NHSL2: variants seen among roughly 807,000 people sequenced by gnomAD.
NHSL2 encodes NHS like 2.
A neutral mutation model predicts 53.4 loss-of-function variants in NHSL2; 27 were observed. That is an observed-to-expected ratio of 0.51 (90% CI 0.37 to 0.70). The LOEUF (loss-of-function observed/expected upper bound fraction) is 0.70, where lower values mean the gene tolerates loss of function less well. Among genes scored for constraint, NHSL2 ranks in the 30% least tolerant of loss-of-function variants. The pLI is 0.00. For missense variants in NHSL2, 892 were observed against 980.1 expected (o/e 0.91, Z 1.20); for synonymous variants, 408 against 404.1 (o/e 1.01, Z -0.12).
intron 1 of NHSL2, among the ~76,000 whole-genome samples, chrX:71,938,859 T>A (rs185688174): frequency 1.7e-3 from 186 of 112,692 alleles, no homozygotes; most frequent in Non-Finnish European, 4.1e-4. Flanking sequence ...CTCTGACCAC[T>A]GAGTGTATGG....
chrX:72,040,448 T>G (rs1489703633), intron 1 of NHSL2, among the ~76,000 whole-genome samples: 1 of 111,788 alleles, frequency 8.9e-6, no homozygotes, highest in Non-Finnish European at 1.9e-5. Context: ...GTGATTTCCA[T>G]TTTTTTCAAG....
Position 71,989,298 on chromosome X carries a change from G to A in NHSL2, c.280+77931G>A, listed in dbSNP as rs1220751406. Reference sequence around the variant, plus strand: ...CGGGAGGCGGAACTTGCAGTAAGTCGAGATCGCTCCACTGCACTCCAGCCT... The same window carrying A: ...CGGGAGGCGGAACTTGCAGTAAGTCAAGATCGCTCCACTGCACTCCAGCCT... On this transcript the variant is annotated intron_variant, in intron 1 of 7. Coordinates refer to ENST00000633930, the MANE Select transcript of NHSL2 (RefSeq NM_001013627.3). Among the ~76,000 whole-genome samples the A allele has an allele frequency of 2.4e-4, 23 of 94,520 alleles. No homozygotes were observed. In the Admixed American group the frequency reaches 2.6e-3, roughly 11 times the overall value. 82.1% of individuals were successfully genotyped at this position (94,520 alleles called of 115,157 possible). A position where few individuals can be genotyped will look rare whatever the true frequency, so the allele number is the denominator to read the frequency against.
Position 72,152,363 on chromosome X carries a change from A to G in NHSL2, c.*8789A>G, listed in dbSNP as rs775821769. 0.03 allele frequency: 2,958 copies of G among 99,776 alleles called. 36 individuals are homozygous for G. Among genetic ancestry groups the G allele is most frequent in the Admixed American group, 0.078 (742 of 9,565 alleles). The allele number at this position is 99,776 out of a possible 1,213,427, so 8.2% of individuals were successfully genotyped here. A position where few individuals can be genotyped will look rare whatever the true frequency, so the allele number is the denominator to read the frequency against. On this transcript the variant is annotated 3_prime_UTR_variant, in exon 8 of 8. Transcript: ENST00000633930. ...CGTGTGTGCATGCGCGCGCGCACACACACACACACACACACACACACACAC... is the reference window on the plus strand; with the variant it reads ...CGTGTGTGCATGCGCGCGCGCACACGCACACACACACACACACACACACAC...
chrX:72,008,530 G>A (rs2042103448), intron 1 of NHSL2, among the ~76,000 whole-genome samples: 2 of 111,858 alleles, frequency 1.8e-5, no homozygotes, highest in African/African-American at 6.5e-5. Flanking sequence ...TTCTGGAGTT[G>A]TTCTGGAGTC....
rs192678039 is a variant in NHSL2 at position 72,044,600 on chromosome X, A to G, written c.281-87479A>G. The stretch of plus-strand genomic sequence containing the variant: ...GCCAAAAAGGGCCGCGGCCACGTGC[A>G]GCCTATTCGCTGCACTAACTGTGTC... On this transcript the variant is annotated intron_variant, in intron 1 of 7. Coordinates refer to ENST00000633930, the MANE Select transcript of NHSL2 (RefSeq NM_001013627.3). The G allele has an allele frequency of 3.0e-4, 329 of 1,103,902 alleles. 1 individual carries two copies. In the African/African-American group the frequency reaches 5.2e-3, roughly 18 times the overall value. The allele number at this position is 1,103,902 out of a possible 1,213,427, so 91.0% of individuals were successfully genotyped here.
intron 1 of NHSL2, among the ~76,000 whole-genome samples, chrX:71,989,437 A>G (rs185225007): frequency 8.9e-4 from 99 of 110,710 alleles, no homozygotes; most frequent in African/African-American, 2.6e-3. Flanking sequence ...CTATGCATGC[A>G]TCATCACATT....
intron 1 of NHSL2, among the ~76,000 whole-genome samples, chrX:72,055,375 C>T (rs760638730): frequency 8.9e-6 from 1 of 112,375 alleles, no homozygotes; most frequent in South Asian, 3.6e-4. Flanking sequence ...TCAGCTTTGA[C>T]GCATGTAGCC....
chrX:72,077,170 G>A (rs2041751174), intron 1 of NHSL2, among the ~76,000 whole-genome samples: 1 of 110,804 alleles, frequency 9.0e-6, no homozygotes, highest in African/African-American at 3.3e-5. Context: ...CCACCTAGCA[G>A]CCTGGGGCCC....
chrX:72,106,658 A>C (rs1233486173), intron 1 of NHSL2, among the ~76,000 whole-genome samples: 1 of 112,081 alleles, frequency 8.9e-6, no homozygotes, highest in Non-Finnish European at 1.9e-5. Context: ...ATAAAGACAC[A>C]CACACAGATA....
At chrX:71,956,597 A>T (rs754801205) in intron 1 of NHSL2, among the ~76,000 whole-genome samples, 1 of 111,711 alleles carries the variant, frequency 9.0e-6, no homozygotes, top group Non-Finnish European at 1.9e-5. Context: ...TTGCTTTCTC[A>T]TGCCCCCAAG....
At chrX:72,125,358 A>G (rs1054125015) in intron 1 of NHSL2, among the ~76,000 whole-genome samples, 1 of 111,680 alleles carries the variant, frequency 9.0e-6, no homozygotes, top group Non-Finnish European at 1.9e-5. Flanking sequence ...CTAGGTCTCC[A>G]TCCAGTGGCC....
At chrX:71,954,134 G>A (rs1435029996) in intron 1 of NHSL2, among the ~76,000 whole-genome samples, 1 of 112,204 alleles carries the variant, frequency 8.9e-6, no homozygotes, top group Non-Finnish European at 1.9e-5. Context: ...TGCTAGGAAG[G>A]GACTGAGGCA....
chrX:72,131,569 C>G, intron 1 of NHSL2: 1 of 1,140,276 alleles, frequency 8.8e-7, no homozygotes, highest in Non-Finnish European at 1.2e-6. Flanking sequence ...CCTGGGGCTC[C>G]GTGGTGGGGA....
chrX:72,068,976 C>T (rs2042448793), intron 1 of NHSL2, among the ~76,000 whole-genome samples: 1 of 112,777 alleles, frequency 8.9e-6, no homozygotes, highest in African/African-American at 3.2e-5. Context: ...TCCCAGATTT[C>T]TGTTGGGACT....
intron 1 of NHSL2, among the ~76,000 whole-genome samples, chrX:71,991,818 T>TCTCTCTCTC (rs778925898): frequency 9.0e-5 from 9 of 99,857 alleles, no homozygotes; most frequent in African/African-American, 3.5e-4. Context: ...GTCTTTCTCT[T>TCTCTCTCTC]TCTCTCTCTC....
chrX:71,982,867 C>G (rs1285379053), intron 1 of NHSL2, among the ~76,000 whole-genome samples: 1 of 112,039 alleles, frequency 8.9e-6, no homozygotes, highest in African/African-American at 3.2e-5. Context: ...GCTGCTTTAG[C>G]AAATTAATAG....
At chrX:71,971,595 A>G (rs1231500615) in intron 1 of NHSL2, among the ~76,000 whole-genome samples, 2 of 112,089 alleles carry the variant, frequency 1.8e-5, no homozygotes, top group African/African-American at 6.5e-5. Context: ...TGTCAAATAT[A>G]TTATATTTTT....
intron 1 of NHSL2, among the ~76,000 whole-genome samples, chrX:72,068,056 C>A (rs1476011510): frequency 8.9e-6 from 1 of 111,759 alleles, no homozygotes; most frequent in African/African-American, 3.3e-5. Context: ...ATCTCTAGAC[C>A]TTCCAGACTG....
chrX:72,119,966 A>AT (rs2042169262), intron 1 of NHSL2, among the ~76,000 whole-genome samples: 1 of 111,934 alleles, frequency 8.9e-6, no homozygotes, highest in Non-Finnish European at 1.9e-5. Context: ...AGAGTGTTGG[A>AT]TTTTATCAAA....
Sources: allele counts gnomAD v4.1 joint callset (sites outside exome capture counted in the v4.1 genomes callset), GRCh38; gene constraint gnomAD v4.1.1; transcripts MANE v1.5; gene names NCBI Gene and HGNC (gene_info 2026-07-23, HGNC 2026-07-21).